NUBPL: variants seen among roughly 807,000 people sequenced by gnomAD.
NUBPL encodes NUBP iron-sulfur cluster assembly factor, mitochondrial, also known as iron-sulfur cluster transfer protein NUBPL.
In NUBPL, 31 loss-of-function variants were observed where a neutral mutation model predicts 45.7. That is an observed-to-expected ratio of 0.68 (90% confidence interval 0.51 to 0.92). The LOEUF (loss-of-function observed/expected upper bound fraction) is 0.92. Ranked by LOEUF, NUBPL falls within the 40% of genes least tolerant of loss-of-function variation. NUBPL has a pLI of 0.00. For missense variants in NUBPL, 401 were observed against 398.7 expected, an observed-to-expected ratio of 1.01 and a Z score of -0.05; for synonymous variants, 144 against 140.9, an observed-to-expected ratio of 1.02 and a Z score of -0.15.
chr14:31,640,419 G>A (rs1288939289), intron 4 of NUBPL, among the ~76,000 whole-genome samples: 1 of 151,970 alleles, frequency 6.6e-6, no homozygotes, highest in African/African-American at 2.4e-5. Flanking sequence ...GGCCAACATG[G>A]CAAAACCCTG....
intron 4 of NUBPL, among the ~76,000 whole-genome samples, chr14:31,639,523 G>A (rs1326489385): frequency 6.6e-6 from 1 of 152,168 alleles, no homozygotes; most frequent in African/African-American, 2.4e-5. Flanking sequence ...GGCTGCTCGG[G>A]GGTTAGGGGT....
chr14:31,850,771 G>A (rs917248468), intron 10 of NUBPL, among the ~76,000 whole-genome samples: 2 of 151,654 alleles, frequency 1.3e-5, no homozygotes, highest in Admixed American at 6.6e-5. Context: ...GACCACAGGT[G>A]TACACCACCA....
At chr14:31,813,399 A>G (rs2039851045) in intron 7 of NUBPL, among the ~76,000 whole-genome samples, 1 of 151,958 alleles carries the variant, frequency 6.6e-6, no homozygotes, top group African/African-American at 2.4e-5. Flanking sequence ...GCAGATATGT[A>G]TCCAGATTTC....
chr14:31,737,286 T>C (rs2139991196), intron 6 of NUBPL, among the ~76,000 whole-genome samples: 1 of 152,336 alleles, frequency 6.6e-6, no homozygotes, highest in East Asian at 1.9e-4. Flanking sequence ...TTTATGTCTA[T>C]GATCTCACTC....
intron 6 of NUBPL, among the ~76,000 whole-genome samples, chr14:31,722,906 G>GT (rs757975035): frequency 1.8e-4 from 28 of 151,446 alleles, no homozygotes; most frequent in African/African-American, 3.1e-4. Context: ...TCTGAAGATA[G>GT]TTTTTTTTTG....
At chr14:31,615,360 T>C (rs892301576) in intron 4 of NUBPL, among the ~76,000 whole-genome samples, 6 of 152,136 alleles carry the variant, frequency 3.9e-5, no homozygotes, top group African/African-American at 7.2e-5. Flanking sequence ...GTTTGTTACA[T>C]AGGTATACAC....
intron 6 of NUBPL, among the ~76,000 whole-genome samples, chr14:31,727,318 G>T (rs763746018): frequency 6.6e-6 from 1 of 152,114 alleles, no homozygotes; most frequent in Non-Finnish European, 1.5e-5. Flanking sequence ...AGTAATGAAG[G>T]CTTACCATAT....
At chr14:31,810,805 C>A (rs892607332) in intron 7 of NUBPL, among the ~76,000 whole-genome samples, 1 of 152,192 alleles carries the variant, frequency 6.6e-6, no homozygotes, top group African/African-American at 2.4e-5. Flanking sequence ...TTTTGTAAGG[C>A]AGGCCTGTTG....
At chr14:31,756,944 A>G (rs80181609) in intron 6 of NUBPL, among the ~76,000 whole-genome samples, 100,637 of 145,054 alleles carry the variant, frequency 0.69, 35,596 homozygotes, top group African/African-American at 0.84. Context: ...CCTTTTCTGC[A>G]TCTATTGAGA....
intron 6 of NUBPL, among the ~76,000 whole-genome samples, chr14:31,690,559 A>G (rs1236650606): frequency 6.6e-6 from 1 of 152,138 alleles, no homozygotes; most frequent in South Asian, 2.1e-4. Flanking sequence ...AGGATACTCT[A>G]TGGAAAGGAT....
At chr14:31,675,164 T>C (rs1445456511) in intron 6 of NUBPL, among the ~76,000 whole-genome samples, 1 of 151,996 alleles carries the variant, frequency 6.6e-6, no homozygotes, top group Non-Finnish European at 1.5e-5. Context: ...TACAGTTTAT[T>C]TTGAGAAGTA....
At chr14:31,619,486 A>G (rs2035001335) in intron 4 of NUBPL, among the ~76,000 whole-genome samples, 1 of 152,136 alleles carries the variant, frequency 6.6e-6, no homozygotes, top group Non-Finnish European at 1.5e-5. Flanking sequence ...CCTGGTGGTG[A>G]CAAAATTTCT....
chr14:31,802,919 AG>A (rs2039619940), intron 7 of NUBPL, among the ~76,000 whole-genome samples: 1 of 152,224 alleles, frequency 6.6e-6, no homozygotes, highest in Non-Finnish European at 1.5e-5. Flanking sequence ...TTAAAGTGAA[AG>A]GCATTTATTG....
At position 31,562,095 on chromosome 14, in the gene NUBPL, A is replaced by C; in HGVS notation, c.136A>C (p.Lys46Gln). The C allele has an allele frequency of 6.2e-7, 1 of 1,609,464 alleles. No homozygotes were observed. The highest frequency in any genetic ancestry group is 8.5e-7 in the Non-Finnish European group (1 of 1,177,318). ...QLSGAGSETL[K>Q]QRRTQIMSRG... Reference sequence around the variant, plus strand: ...GTCTGGCGCCGGGAGTGAGACCCTAAAACAAAGAAGAACACAAATCATGTC... The same window carrying C: ...GTCTGGCGCCGGGAGTGAGACCCTACAACAAAGAAGAACACAAATCATGTC... Residue 46 changes from lysine (K) to glutamine (Q), a missense_variant, in exon 2 of 11, where the codon AAA (lysine) becomes CAA (glutamine). Transcript: ENST00000281081.
intron 6 of NUBPL, among the ~76,000 whole-genome samples, chr14:31,739,218 TTA>T (rs35462177): frequency 0.81 from 112,319 of 139,200 alleles, 45,489 homozygotes; most frequent in East Asian, 0.98. Flanking sequence ...ATATATTATA[TTA>T]TATATATATA....
intron 8 of NUBPL, among the ~76,000 whole-genome samples, chr14:31,839,203 AC>A (rs372208703): frequency 7.9e-4 from 120 of 152,254 alleles, no homozygotes; most frequent in African/African-American, 2.6e-3. Flanking sequence ...TGAAGCTGTG[AC>A]ATACATACAT....
At chr14:31,705,900 G>T (rs955248484) in intron 6 of NUBPL, among the ~76,000 whole-genome samples, 1 of 152,180 alleles carries the variant, frequency 6.6e-6, no homozygotes, top group Non-Finnish European at 1.5e-5. Context: ...TGCAGGGCCT[G>T]CCGAGCCTGT....
intron 4 of NUBPL, among the ~76,000 whole-genome samples, chr14:31,641,467 A>G (rs773517204): frequency 6.6e-6 from 1 of 152,128 alleles, no homozygotes; most frequent in African/African-American, 2.4e-5. Flanking sequence ...ACTTAATGTA[A>G]TGACCTCCAG....
At chr14:31,703,654 A>G (rs940089505) in intron 6 of NUBPL, among the ~76,000 whole-genome samples, 15 of 152,214 alleles carry the variant, frequency 9.9e-5, no homozygotes, top group African/African-American at 3.1e-4. Context: ...TGTCTTGAGA[A>G]CAGCATGGGA....
Sources: gnomAD v4.1 joint callset for allele counts (sites outside exome capture counted in the v4.1 genomes callset) on GRCh38, gnomAD v4.1.1 for gene constraint, MANE v1.5 for transcripts, NCBI Gene and HGNC (gene_info 2026-07-23, HGNC 2026-07-21) for gene names.